TACR1: variants seen among roughly 807,000 people sequenced by gnomAD.
TACR1 encodes the protein substance-P receptor.
TACR1 carries 25 observed loss-of-function variants against 35.8 expected under a neutral mutation model. The ratio of observed to expected loss-of-function variants is 0.70; its 90% CI spans 0.51 to 0.98. TACR1 has a LOEUF of 0.98. Among genes scored for constraint, TACR1 ranks in the 50% least tolerant of loss-of-function variants. The pLI is 0.00. For synonymous variants in TACR1, 195 were observed against 206.7 expected, an observed-to-expected ratio of 0.94 and a Z score of 0.48; for missense variants, 478 against 522.9, an observed-to-expected ratio of 0.91 and a Z score of 0.84.
chr2:75,112,242 T>A (rs1050611436), intron 2 of TACR1, among the ~76,000 whole-genome samples: 2 of 152,052 alleles, frequency 1.3e-5, no homozygotes, highest in Non-Finnish European at 2.9e-5. Flanking sequence ...GTACTGAGTA[T>A]TTTGATATCT....
At chr2:75,147,695 A>G (rs1175727897) in intron 1 of TACR1, among the ~76,000 whole-genome samples, 1 of 150,670 alleles carries the variant, frequency 6.6e-6, no homozygotes, top group Non-Finnish European at 1.5e-5. Context: ...TTTGTTGAGG[A>G]TGATGGCTTT....
chr2:75,191,642 G>A (rs937717850), intron 1 of TACR1, among the ~76,000 whole-genome samples: 3 of 152,144 alleles, frequency 2.0e-5, no homozygotes, highest in African/African-American at 7.2e-5. Context: ...ATTCTAGAAC[G>A]GGGGTTCTGA....
intron 1 of TACR1, among the ~76,000 whole-genome samples, chr2:75,154,723 C>T (rs1466145802): frequency 1.3e-5 from 2 of 152,034 alleles, no homozygotes; most frequent in Non-Finnish European, 2.9e-5. Context: ...ACTGTCTTGT[C>T]TTCTCTGGGT....
chr2:75,047,174 G>T lies in TACR1; in HGVS notation c.*2258C>A, dbSNP rs1169589462. On this transcript the variant is annotated 3_prime_UTR_variant, in exon 5 of 5. Coordinates refer to ENST00000305249, the MANE Select transcript of TACR1 (RefSeq NM_001058.4). ...GATACTGTTCAACCAAATTCCTTTAGGTCCCCTGGACTGACTGCCAGCTCC... is the reference window on the plus strand; with the variant it reads ...GATACTGTTCAACCAAATTCCTTTATGTCCCCTGGACTGACTGCCAGCTCC... The T allele has an allele frequency of 2.6e-5, 4 of 152,304 alleles. No homozygotes were observed. The highest frequency in any genetic ancestry group is 3.4e-3 in the Middle Eastern group (1 of 294). The allele number at this position is 152,304 out of a possible 1,614,324, so 9.4% of individuals were successfully genotyped here. A position where few individuals can be genotyped will look rare whatever the true frequency, so the allele number is the denominator to read the frequency against.
intron 1 of TACR1, chr2:75,189,449 G>A (rs1675791521): frequency 5.3e-5 from 8 of 152,238 alleles, no homozygotes; most frequent in African/African-American, 2.4e-5. Context: ...TAGTGCATGT[G>A]TAGTAGTGAG....
chr2:75,124,709 G>T (rs3771822), intron 1 of TACR1, among the ~76,000 whole-genome samples: 1 of 152,026 alleles, frequency 6.6e-6, no homozygotes, highest in Non-Finnish European at 1.5e-5. Flanking sequence ...ATTGGGCATG[G>T]CTGTATGATA....
chr2:75,107,859 A>C (rs1462848975), intron 2 of TACR1, among the ~76,000 whole-genome samples: 1 of 152,086 alleles, frequency 6.6e-6, no homozygotes, highest in East Asian at 1.9e-4. Flanking sequence ...AGATACATTA[A>C]AGAATGAAAG....
intron 1 of TACR1, among the ~76,000 whole-genome samples, chr2:75,149,079 A>G (rs1367609717): frequency 4.0e-5 from 6 of 151,896 alleles, no homozygotes; most frequent in Admixed American, 3.3e-4. Context: ...CCATTGGTCT[A>G]TGTGTTTGTT....
rs186615604 is a variant in TACR1, at chr2:75,049,077, C to T, written c.*355G>A. ...CGGGGCTCCAGGAAAATGAGTCTTC[C>T]GGGTCCGCAGCTGTGCTGCAGAATT... is the stretch of plus-strand genomic sequence containing the variant. On this transcript the variant is annotated 3_prime_UTR_variant, in exon 5 of 5. Coordinates refer to ENST00000305249, the MANE Select transcript of TACR1 (RefSeq NM_001058.4). 1.2e-4 allele frequency: 25 copies of T among 210,036 alleles called. No individual in the cohort carries two copies. Among genetic ancestry groups the T allele is most frequent in the African/African-American group, 2.3e-4 (10 of 43,608 alleles). The allele number at this position is 210,036 out of a possible 1,614,324, so 13.0% of individuals were successfully genotyped here.
chr2:75,074,252 A>C (rs1672935241), intron 2 of TACR1, among the ~76,000 whole-genome samples: 2 of 152,170 alleles, frequency 1.3e-5, no homozygotes, highest in Admixed American at 1.3e-4. Context: ...GCAAGTGGCA[A>C]GTGTTGGCTG....
chr2:75,060,761 C>T (rs1293641525), intron 2 of TACR1, among the ~76,000 whole-genome samples: 1 of 152,080 alleles, frequency 6.6e-6, no homozygotes, highest in Non-Finnish European at 1.5e-5. Context: ...GGCAGTGAGC[C>T]TTTGGGGTGC....
At chr2:75,176,012 CAAAAAA>C (rs34884122) in intron 1 of TACR1, among the ~76,000 whole-genome samples, 3 of 109,596 alleles carry the variant, frequency 2.7e-5, no homozygotes, top group African/African-American at 6.7e-5. Flanking sequence ...TTGAGCTGTC[CAAAAAA>C]AAAAAAAAAA....
intron 2 of TACR1, among the ~76,000 whole-genome samples, chr2:75,098,912 C>CTA (rs1553375176): frequency 6.9e-6 from 1 of 144,760 alleles, no homozygotes; most frequent in African/African-American, 2.5e-5. Flanking sequence ...CAAATTAAGG[C>CTA]TTTTTTTTTT....
intron 1 of TACR1, among the ~76,000 whole-genome samples, chr2:75,194,317 T>C (rs1464428993): frequency 6.6e-6 from 1 of 152,130 alleles, no homozygotes; most frequent in Non-Finnish European, 1.5e-5. Context: ...ACAGGGCCAG[T>C]TGTGGCCAAT....
intron 1 of TACR1, among the ~76,000 whole-genome samples, chr2:75,163,560 T>G (rs1012729020): frequency 3.3e-5 from 5 of 152,284 alleles, no homozygotes; most frequent in African/African-American, 1.2e-4. Flanking sequence ...AAGTACCTCT[T>G]TATCAGATAA....
chr2:75,052,359 C>T (rs1672485738), intron 3 of TACR1, among the ~76,000 whole-genome samples: 1 of 152,176 alleles, frequency 6.6e-6, no homozygotes, highest in South Asian at 2.1e-4. Context: ...GCCTTTCAGC[C>T]ACTAGAGCTG....
intron 1 of TACR1, among the ~76,000 whole-genome samples, chr2:75,138,625 A>G (rs1284532170): frequency 6.6e-6 from 1 of 152,160 alleles, no homozygotes; most frequent in Non-Finnish European, 1.5e-5. Flanking sequence ...GTTATTACAT[A>G]CCATGGTAAA....
At chr2:75,193,508 T>C (rs908398973) in intron 1 of TACR1, among the ~76,000 whole-genome samples, 2 of 152,236 alleles carry the variant, frequency 1.3e-5, no homozygotes, top group Non-Finnish European at 2.9e-5. Context: ...TATTCTCATA[T>C]TTTTCTGGGC....
intron 2 of TACR1, among the ~76,000 whole-genome samples, chr2:75,087,589 G>A (rs1673212927): frequency 6.6e-6 from 1 of 152,190 alleles, no homozygotes; most frequent in Non-Finnish European, 1.5e-5. Context: ...GCAACTTTAA[G>A]CAGAAATCTG....
Sources: allele counts gnomAD v4.1 joint callset (sites outside exome capture counted in the v4.1 genomes callset), GRCh38; gene constraint gnomAD v4.1.1; transcripts MANE v1.5; gene names NCBI Gene and HGNC (gene_info 2026-07-23, HGNC 2026-07-21).